USH2A: variants seen among roughly 807,000 people sequenced by gnomAD.
USH2A encodes the protein Usher syndrome 2A (autosomal recessive, mild).
Under a neutral mutation model 538.9 loss-of-function variants are expected in USH2A, and 443 were observed. The observed-to-expected ratio is 0.82, with a 90% CI of 0.76 to 0.89. The LOEUF is 0.89. USH2A is among the 40% of genes least tolerant of loss of function. The pLI is 0.00. For synonymous variants in USH2A, 2,413 were observed against 2,273.5 expected, an observed-to-expected ratio of 1.06 and a Z score of -1.75; for missense variants, 6,633 against 6,324.8, an observed-to-expected ratio of 1.05 and a Z score of -1.65.
At chr1:216,103,646 A>G (rs1396123767) in intron 21 of USH2A, among the ~76,000 whole-genome samples, 3 of 152,202 alleles carry the variant, frequency 2.0e-5, no homozygotes, top group Non-Finnish European at 4.4e-5. Context: ...TTAATCTTTT[A>G]TCAGAAATTT....
At chr1:215,897,415 G>A (rs528269733) in intron 40 of USH2A, among the ~76,000 whole-genome samples, 2 of 152,236 alleles carry the variant, frequency 1.3e-5, no homozygotes, top group East Asian at 3.9e-4. Context: ...GGTTGGGTGA[G>A]GTGGCTCACA....
chr1:215,692,640 C>T (rs943801819), intron 61 of USH2A, among the ~76,000 whole-genome samples: 3 of 152,074 alleles, frequency 2.0e-5, no homozygotes, highest in African/African-American at 7.2e-5. Context: ...ATGCTTAGCT[C>T]TTTGCATAGA....
chr1:215,680,091 G>A, intron 62 of USH2A, 58 bp downstream of exon 62: 1 of 1,548,986 alleles, frequency 6.5e-7, no homozygotes, highest in Non-Finnish European at 8.9e-7. Context: ...GCATGTCAGG[G>A]CTCATCTATT....
At chr1:216,045,191 G>T (rs993331056) in intron 32 of USH2A, among the ~76,000 whole-genome samples, 1 of 152,030 alleles carries the variant, frequency 6.6e-6, no homozygotes, top group East Asian at 1.9e-4. Context: ...AATATCTCTA[G>T]GCCTTGGTTT....
At chr1:216,416,451 CA>C (rs1039051044) in intron 3 of USH2A, among the ~76,000 whole-genome samples, 31 of 151,808 alleles carry the variant, frequency 2.0e-4, no homozygotes, top group African/African-American at 6.3e-4. Flanking sequence ...AAAACTTATG[CA>C]AAAAAATAAA....
intron 4 of USH2A, among the ~76,000 whole-genome samples, chr1:216,340,727 C>G (rs889860884): frequency 1.3e-5 from 2 of 152,036 alleles, no homozygotes; most frequent in Non-Finnish European, 2.9e-5. Flanking sequence ...ATCACATAAA[C>G]AGAACCAATG....
chr1:216,360,326 T>C (rs1263829798), intron 4 of USH2A, among the ~76,000 whole-genome samples: 1 of 152,106 alleles, frequency 6.6e-6, no homozygotes, highest in Admixed American at 6.6e-5. Flanking sequence ...GATTTTTTTA[T>C]CCCAACTATA....
intron 20 of USH2A, among the ~76,000 whole-genome samples, chr1:216,177,800 T>C (rs2102643571): frequency 6.6e-6 from 1 of 152,330 alleles, no homozygotes; most frequent in East Asian, 1.9e-4. Flanking sequence ...TTTTTTTCCC[T>C]TAAACAGTTG....
At chr1:216,161,067 C>T (rs996389190) in intron 21 of USH2A, among the ~76,000 whole-genome samples, 4 of 151,804 alleles carry the variant, frequency 2.6e-5, no homozygotes, top group South Asian at 2.1e-4. Flanking sequence ...TCTTTGTTTT[C>T]GAATTTTGTC....
intron 57 of USH2A, 123 bp downstream of exon 57, chr1:215,759,537 G>A: frequency 8.6e-7 from 1 of 1,167,638 alleles, no homozygotes; most frequent in Non-Finnish European, 1.2e-6. Context: ...GTTATTGAAT[G>A]GCCAATGAAT....
At chr1:216,192,280 C>T (rs934080943) in intron 19 of USH2A, among the ~76,000 whole-genome samples, 1 of 152,046 alleles carries the variant, frequency 6.6e-6, no homozygotes, top group African/African-American at 2.4e-5. Context: ...AAGACATACT[C>T]AGGTCAGTTC....
intron 27 of USH2A, among the ~76,000 whole-genome samples, chr1:216,076,917 C>T (rs1018545893): frequency 3.3e-5 from 5 of 152,094 alleles, no homozygotes; most frequent in Non-Finnish European, 7.4e-5. Flanking sequence ...AGTTACTATG[C>T]TTTCCCCACT....
intron 14 of USH2A, among the ~76,000 whole-genome samples, chr1:216,222,994 A>G (rs1052433684): frequency 2.0e-5 from 3 of 151,854 alleles, no homozygotes; most frequent in Non-Finnish European, 2.9e-5. Context: ...AAAAAAAAAA[A>G]AAAAAGATTG....
At chr1:216,232,161 T>C (rs781131436) in intron 13 of USH2A, 25 bp from the exon 14 acceptor site, 66 of 1,588,434 alleles carry the variant, frequency 4.2e-5, no homozygotes, top group Non-Finnish European at 5.6e-5. Flanking sequence ...ATTAAAAGTT[T>C]TATATATACT....
intron 21 of USH2A, among the ~76,000 whole-genome samples, chr1:216,118,981 C>T (rs919380797): frequency 2.0e-5 from 3 of 152,140 alleles, no homozygotes; most frequent in African/African-American, 7.2e-5. Flanking sequence ...GACTGAATGC[C>T]GCAAGTGTGC....
intron 15 of USH2A, among the ~76,000 whole-genome samples, chr1:216,209,471 C>T (rs185545957): frequency 3.3e-5 from 5 of 152,328 alleles, no homozygotes; most frequent in African/African-American, 1.2e-4. Context: ...TGAAGTTATT[C>T]TGCAAACTAA....
chr1:215,753,122 C>T (rs1431363020), intron 58 of USH2A, among the ~76,000 whole-genome samples: 1 of 152,104 alleles, frequency 6.6e-6, no homozygotes, highest in South Asian at 2.1e-4. Context: ...TACCATCTCA[C>T]ACCAGTTAGA....
chr1:215,962,209 G>A (rs1667219526), intron 37 of USH2A, among the ~76,000 whole-genome samples: 2 of 151,952 alleles, frequency 1.3e-5, no homozygotes, highest in Non-Finnish European at 2.9e-5. Flanking sequence ...TACTTTTTCT[G>A]AGAATATAAA....
intron 9 of USH2A, among the ~76,000 whole-genome samples, chr1:216,305,982 T>C (rs2037309865): frequency 6.6e-6 from 1 of 152,212 alleles, no homozygotes; most frequent in Middle Eastern, 3.2e-3. Context: ...TTGATGACTA[T>C]GTGCCTTGGC....
Sources: allele counts gnomAD v4.1 joint callset (sites outside exome capture counted in the v4.1 genomes callset), GRCh38; gene constraint gnomAD v4.1.1; transcripts MANE v1.5; gene names NCBI Gene and HGNC (gene_info 2026-07-23, HGNC 2026-07-21).